The following ASH1L variants were observed in gnomAD, a reference collection of about 807,000 sequenced individuals.
ASH1L encodes the protein histone-lysine N-methyltransferase ASH1L.
Under a neutral mutation model 269.0 loss-of-function variants are expected in ASH1L, and 23 were observed. The ratio of observed to expected loss-of-function variants is 0.09; its 90% CI spans 0.06 to 0.12. The LOEUF (loss-of-function observed/expected upper bound fraction) is 0.12, where lower values mean the gene tolerates loss of function less well. Ranked by LOEUF, ASH1L falls within the 10% of genes least tolerant of loss-of-function variation. The probability of loss-of-function intolerance (pLI) is 1.00; values close to 1 mark genes in which losing one functional copy is unlikely to be tolerated. For synonymous variants in ASH1L, 1,187 were observed against 1,253.5 expected, an observed-to-expected ratio of 0.95 and a Z score of 1.12; for missense variants, 2,912 against 3,567.8, an observed-to-expected ratio of 0.82 and a Z score of 4.68.
intron 12 of ASH1L, among the ~76,000 whole-genome samples, chr1:155,363,352 T>C (rs1328457830): frequency 2.6e-5 from 4 of 152,090 alleles, no homozygotes; most frequent in African/African-American, 9.7e-5. Context: ...CTCAGCTCCC[T>C]GCAACCTCTG....
At chr1:155,404,133 A>G (rs1341121683) in intron 6 of ASH1L, among the ~76,000 whole-genome samples, 1 of 151,678 alleles carries the variant, frequency 6.6e-6, no homozygotes, top group Non-Finnish European at 1.5e-5. Flanking sequence ...GAGGCCAAAG[A>G]GGGACTTGAC....
chr1:155,561,945 T>C (rs1571169431), intron 1 of ASH1L: 1 of 473,118 alleles, frequency 2.1e-6, no homozygotes, highest in African/African-American at 2.0e-5. Flanking sequence ...CCTCCGGGAG[T>C]CTGCCTGTCA....
chr1:155,420,617 G>A lies in ASH1L; in HGVS notation c.5829-4694C>T, dbSNP rs371382391. Among the ~76,000 whole-genome samples, 15 of 151,256 alleles carry A rather than the reference G, an allele frequency of 9.9e-5. No homozygotes were observed. In the East Asian group the frequency reaches 2.0e-3, roughly 20 times the overall value. ...TGTAATCCCAGCACTTTGGGAGGCC[G>A]AAGTAGGTGGATCACTTGAGGTCAG... On this transcript the variant is annotated intron_variant, in intron 5 of 27. Transcript: ENST00000392403.
At chr1:155,554,789 T>TA (rs1571150262) in intron 1 of ASH1L, among the ~76,000 whole-genome samples, 1 of 152,174 alleles carries the variant, frequency 6.6e-6, no homozygotes. Flanking sequence ...GGAAAAATGT[T>TA]AGTCAGTGGA....
At chr1:155,552,085 G>A (rs1671257335) in intron 1 of ASH1L, among the ~76,000 whole-genome samples, 1 of 152,188 alleles carries the variant, frequency 6.6e-6, no homozygotes, top group South Asian at 2.1e-4. Context: ...AAATTATTAA[G>A]TCCTAAGACA....
At chr1:155,371,683 T>C (rs1655959482) in intron 10 of ASH1L, among the ~76,000 whole-genome samples, 1 of 151,526 alleles carries the variant, frequency 6.6e-6, no homozygotes, top group African/African-American at 2.4e-5. Flanking sequence ...TGTGGTAGAA[T>C]ACCTAATTTA....
intron 1 of ASH1L, among the ~76,000 whole-genome samples, chr1:155,549,870 C>A (rs1288376341): frequency 6.6e-6 from 1 of 152,058 alleles, no homozygotes; most frequent in South Asian, 2.1e-4. Flanking sequence ...CTGCTCAGGC[C>A]ATCACTGAAG....
upstream of ASH1L, chr1:155,562,905 C>T (rs574769664): frequency 4.4e-6 from 2 of 455,000 alleles, no homozygotes; most frequent in African/African-American, 4.0e-5. Flanking sequence ...CCAGCCCCCC[C>T]TACCACCCTC....
intron 4 of ASH1L, among the ~76,000 whole-genome samples, chr1:155,451,211 A>AG (rs1239407691): frequency 2.2e-4 from 33 of 151,706 alleles, no homozygotes; most frequent in African/African-American, 8.0e-4. Flanking sequence ...AAAAAAAAAA[A>AG]AAAGAAATAA....
intron 7 of ASH1L, among the ~76,000 whole-genome samples, chr1:155,394,971 G>A (rs1480694398): frequency 6.6e-6 from 1 of 152,134 alleles, no homozygotes; most frequent in Non-Finnish European, 1.5e-5. Context: ...ATTTCTCTCT[G>A]TCAACTCAGG....
At chr1:155,351,538 C>A (rs1653929831) in intron 17 of ASH1L, among the ~76,000 whole-genome samples, 1 of 151,394 alleles carries the variant, frequency 6.6e-6, no homozygotes, top group South Asian at 2.1e-4. Context: ...GGGCGACAGA[C>A]TGAGACCCTG....
At chr1:155,360,547 G>A (rs565149018) in intron 12 of ASH1L, 138 bp from the exon 13 acceptor site, 9 of 565,178 alleles carry the variant, frequency 1.6e-5, no homozygotes, top group African/African-American at 9.5e-5. Context: ...GGATTCAAGC[G>A]ATTCTCCTGC....
intron 6 of ASH1L, among the ~76,000 whole-genome samples, chr1:155,397,857 G>A (rs1658498321): frequency 6.6e-6 from 1 of 152,126 alleles, no homozygotes; most frequent in African/African-American, 2.4e-5. Flanking sequence ...CACGGCACCT[G>A]GCCAGGTTAT....
rs190475524 is a variant in ASH1L at position 155,393,018 on chromosome 1, T to C, written c.6103+2441A>G. Among the ~76,000 whole-genome samples the C allele has an allele frequency of 4.4e-3, 669 of 152,236 alleles. 6 individuals are homozygous for C. Among genetic ancestry groups the C allele is most frequent in the South Asian group, 0.04 (195 of 4,818 alleles). ...CTTATTTTCAAAGCCTATTTATCAT[T>C]AGCAGATTTTAAATTTGCTGAGAGC... On this transcript the variant is annotated intron_variant, in intron 7 of 27. Transcript: ENST00000392403.
At chr1:155,552,634 AGACCCT>A (rs1173560159) in intron 1 of ASH1L, among the ~76,000 whole-genome samples, 2 of 152,154 alleles carry the variant, frequency 1.3e-5, no homozygotes, top group Admixed American at 1.3e-4. Flanking sequence ...CAACAGAGCG[AGACCCT>A]GACTCAAAAA....
intron 12 of ASH1L, among the ~76,000 whole-genome samples, chr1:155,364,964 G>A (rs1363365084): frequency 6.7e-6 from 1 of 149,486 alleles, no homozygotes; most frequent in East Asian, 1.9e-4. Context: ...CGCCTATGGA[G>A]TAGCCATTCT....
chr1:155,522,159 G>C (rs1054724482), intron 1 of ASH1L, among the ~76,000 whole-genome samples: 2 of 152,046 alleles, frequency 1.3e-5, no homozygotes, highest in African/African-American at 4.8e-5. Flanking sequence ...TTATCTCTTA[G>C]GCTGGTTTCA....
At position 155,480,870 on chromosome 1, in the gene ASH1L, G is replaced by C. The variant is rs763690866; in HGVS notation, c.2000C>G (p.Pro667Arg). Residue 667 changes from proline (P) to arginine (R), a missense_variant, in exon 3 of 28, where the codon CCT (proline) becomes CGT (arginine). Around this residue, in one of 13 missense-constraint regions of ASH1L, gnomAD observed 715 missense variants for 721.0 expected, o/e 0.99. Coordinates refer to ENST00000392403, the MANE Select transcript of ASH1L (RefSeq NM_018489.3). ...TSESSIHTIT[P>R]SVVNFTSLFS... ...TAAACTAGTGAAGTTAACAACTGAA[G>C]GAGTAATAGTATGAATGCTGGATTC... 2 of 1,613,638 alleles carry C rather than the reference G, an allele frequency of 1.2e-6. No individual in the cohort carries two copies. Among genetic ancestry groups the C allele is most frequent in the Non-Finnish European group, 1.7e-6 (2 of 1,179,838 alleles).
intron 7 of ASH1L, among the ~76,000 whole-genome samples, chr1:155,384,327 C>T (rs935129676): frequency 1.2e-4 from 19 of 152,036 alleles, no homozygotes; most frequent in Non-Finnish European, 1.0e-4. Flanking sequence ...TTAGAAGATT[C>T]GGAGTTGACA....
Sources: allele counts gnomAD v4.1 joint callset (sites outside exome capture counted in the v4.1 genomes callset), GRCh38; gene constraint gnomAD v4.1.1; regional missense constraint gnomAD v4.1.1; transcripts MANE v1.5; gene names NCBI Gene and HGNC (gene_info 2026-07-23, HGNC 2026-07-21).